P2RX3: variants seen among roughly 807,000 people sequenced by gnomAD.
P2RX3 encodes purinergic receptor P2X 3.
A neutral mutation model predicts 51.5 loss-of-function variants in P2RX3; 41 were observed. The observed-to-expected ratio is 0.80, with a 90% confidence interval of 0.62 to 1.03. P2RX3 has a LOEUF of 1.03. P2RX3 is among the 50% of genes least tolerant of loss of function. The probability of loss-of-function intolerance (pLI) is 0.00; values close to 1 mark genes in which losing one functional copy is unlikely to be tolerated. For missense variants in P2RX3, 459 were observed against 522.1 expected (o/e 0.88, Z 1.18); for synonymous variants, 185 against 191.6 (o/e 0.97, Z 0.29).
chr11:57,351,231 A>G (rs911928430), intron 8 of P2RX3, among the ~76,000 whole-genome samples: 1 of 152,206 alleles, frequency 6.6e-6, no homozygotes, highest in Non-Finnish European at 1.5e-5. Context: ...TGACGTGCTT[A>G]AGTGACTTCC....
chr11:57,360,398 C>T (rs1015387666), intron 8 of P2RX3, among the ~76,000 whole-genome samples: 3 of 152,302 alleles, frequency 2.0e-5, no homozygotes, highest in Admixed American at 2.0e-4. Flanking sequence ...CCTACCTAAA[C>T]TCAATCTTTG....
chr11:57,364,135 G>T (rs1022872522), intron 8 of P2RX3, among the ~76,000 whole-genome samples: 1 of 152,086 alleles, frequency 6.6e-6, no homozygotes, highest in Non-Finnish European at 1.5e-5. Context: ...CGGATGACAG[G>T]CCCAGCCTCT....
chr11:57,367,916 T>C (rs1253590552), intron 8 of P2RX3, 93 bp from the exon 9 acceptor site: 1 of 981,512 alleles, frequency 1.0e-6, no homozygotes, highest in African/African-American at 1.6e-5. Context: ...GGTTGCTCAG[T>C]GAGCCAAGAC....
Position 57,338,699 on chromosome 11 carries a change from G to A in P2RX3, c.119+30G>A, listed in dbSNP as rs60972068. On this transcript the variant is annotated intron_variant, in intron 1 of 11. Coordinates refer to ENST00000263314, the MANE Select transcript of P2RX3 (RefSeq NM_002559.5). ...GTCTGTGGCCTTTCAGGTTCCTGGC[G>A]GGGTGGGCTGCCTGGTATCCCGTCT... The A allele has an allele frequency of 3.4e-3, 5,040 of 1,486,928 alleles. 149 individuals carry two copies. The African/African-American group carries it at 0.06, about 18-fold the overall frequency. 92.1% of individuals were successfully genotyped at this position (1,486,928 alleles called of 1,614,324 possible). A position where few individuals can be genotyped will look rare whatever the true frequency, so the allele number is the denominator to read the frequency against.
At chr11:57,363,371 T>C (rs1222343771) in intron 8 of P2RX3, among the ~76,000 whole-genome samples, 1 of 152,160 alleles carries the variant, frequency 6.6e-6, no homozygotes, top group Non-Finnish European at 1.5e-5. Flanking sequence ...GAAGGTTGAT[T>C]TCTTACCTAT....
rs138933929 is a variant in P2RX3, at chr11:57,369,409, G to T, written c.1051G>T (p.Asp351Tyr). 5 of 1,609,278 alleles carry T rather than the reference G, an allele frequency of 3.1e-6. No homozygotes were observed. Residue 351 changes from aspartate to tyrosine, a missense_variant, in exon 11 of 12, where the codon GAC becomes TAC. By Grantham distance (160) the Asp-to-Tyr change is radical. Coordinates refer to ENST00000263314, the MANE Select transcript of P2RX3 (RefSeq NM_002559.5). ...CCTGCTCAACTTCCTCAAGGGGGCC[G>T]ACCAGTACAAAGCCAAGAAGTTTGA... ...IILLNFLKGA[D>Y]QYKAKKFEEV... is the part of the protein sequence containing the mutation.
At position 57,349,998 on chromosome 11, in the gene P2RX3, G is replaced by A. The variant is rs1856515273; in HGVS notation, c.705+100G>A. 4.6e-6 allele frequency: 7 copies of A among 1,517,324 alleles called. No homozygotes were observed. In the South Asian group the frequency reaches 7.3e-5, roughly 16 times the overall value. 94.0% of individuals were successfully genotyped at this position (1,517,324 alleles called of 1,614,324 possible). ...GCCGGCACTGGCCAGGAGCCGCCGCGAGACAGCGCCACCTGGTGGAAGCAT... is the reference window on the plus strand; with the variant it reads ...GCCGGCACTGGCCAGGAGCCGCCGCAAGACAGCGCCACCTGGTGGAAGCAT... On this transcript the variant is annotated intron_variant, in intron 7 of 11. Transcript: ENST00000263314.
intron 8 of P2RX3, among the ~76,000 whole-genome samples, chr11:57,363,328 A>G (rs1856748435): frequency 6.6e-6 from 1 of 152,196 alleles, no homozygotes; most frequent in South Asian, 2.1e-4. Context: ...AGTTGCTATA[A>G]CAAACAAACC....
Position 57,348,254 on chromosome 11 carries a change from C to T in P2RX3, c.476C>T (p.Thr159Ile). 6.2e-7 allele frequency: 1 copy of T among 1,602,174 alleles called. No homozygotes were observed. Among genetic ancestry groups the T allele is most frequent in the Non-Finnish European group, 8.5e-7 (1 of 1,174,882 alleles). The change falls in exon 5 of 12, where the codon ACA becomes ATA. Residue 159 changes from threonine (T) to isoleucine (I), a missense_variant. Thr to Ile is a moderately conservative substitution (Grantham distance 89, BLOSUM62 -1). Transcript: ENST00000263314. ...IQGWCPTEVD[T>I]VETPIMMEAE... ...GGCTGGTGCCCCACGGAGGTGGACA[C>T]AGTGGAAACGTAAGGCTCCAAGCCA...
chr11:57,338,452 C>A lies in P2RX3; in HGVS notation c.-99C>A, dbSNP rs1590618062. On this transcript the variant is annotated 5_prime_UTR_variant, in exon 1 of 12. Transcript: ENST00000263314. The stretch of plus-strand genomic sequence containing the variant: ...TTCCTCCAACCCCTCTAAGCTGCCC[C>A]CTCCAGGTCGTGATCTCGTCTCCCT... 10 of 713,192 alleles carry A rather than the reference C, an allele frequency of 1.4e-5. No individual in the cohort carries two copies. The East Asian group carries it at 2.3e-4, about 16-fold the overall frequency. The allele number at this position is 713,192 out of a possible 1,614,324, so 44.2% of individuals were successfully genotyped here.
At chr11:57,361,691 T>C (rs543024846) in intron 8 of P2RX3, among the ~76,000 whole-genome samples, 19 of 152,348 alleles carry the variant, frequency 1.2e-4, no homozygotes, top group African/African-American at 4.1e-4. Context: ...CAGTCTATCA[T>C]TGATGGGCAT....
chr11:57,351,174 T>A (rs555901704), intron 8 of P2RX3, among the ~76,000 whole-genome samples: 35 of 152,342 alleles, frequency 2.3e-4, no homozygotes, highest in Non-Finnish European at 5.0e-4. Flanking sequence ...CTTGAAATGC[T>A]AGGGTTCTGC....
At chr11:57,348,081 T>A in intron 4 of P2RX3, 89 bp from the exon 5 acceptor site, 1 of 1,184,608 alleles carries the variant, frequency 8.4e-7, no homozygotes. Flanking sequence ...CTTGCCAGGG[T>A]CCCTGATGGG....
Position 57,338,455 on chromosome 11 carries a change from C to G in P2RX3, c.-96C>G, listed in dbSNP as rs1344723032. 1 of 738,872 alleles carries G rather than the reference C, an allele frequency of 1.4e-6. No individual in the cohort carries two copies. The highest frequency in any genetic ancestry group is 1.7e-5 in the African/African-American group (1 of 59,094). 45.8% of individuals were successfully genotyped at this position (738,872 alleles called of 1,614,324 possible). Reference sequence around the variant, plus strand: ...CTCCAACCCCTCTAAGCTGCCCCCTCCAGGTCGTGATCTCGTCTCCCTGTC... The same window carrying G: ...CTCCAACCCCTCTAAGCTGCCCCCTGCAGGTCGTGATCTCGTCTCCCTGTC... On this transcript the variant is annotated 5_prime_UTR_variant, in exon 1 of 12. Transcript: ENST00000263314.
intron 2 of P2RX3, 98 bp downstream of exon 2, chr11:57,346,777 T>G: frequency 6.8e-7 from 1 of 1,480,154 alleles, no homozygotes; most frequent in South Asian, 1.3e-5. Flanking sequence ...ATTCCCAAAC[T>G]AGAATCCATG....
chr11:57,367,934 T>C, intron 8 of P2RX3, 75 bp from the exon 9 acceptor site: 2 of 1,189,038 alleles, frequency 1.7e-6, no homozygotes, highest in Non-Finnish European at 2.5e-6. Context: ...GACACAGGGC[T>C]CTGGAGGACC....
At chr11:57,350,998 T>G (rs373030713) in intron 8 of P2RX3, 100 bp downstream of exon 8, 2 of 1,529,722 alleles carry the variant, frequency 1.3e-6, no homozygotes, top group Non-Finnish European at 1.8e-6. Flanking sequence ...CACCCACCCC[T>G]GGCCCCAAGT....
At chr11:57,369,550 G>A (rs988580257) in intron 11 of P2RX3, 112 bp downstream of exon 11, 4 of 992,120 alleles carry the variant, frequency 4.0e-6, no homozygotes, top group Non-Finnish European at 3.0e-6. Context: ...GGTTCACCAG[G>A]CCTCAATGAA....
At chr11:57,345,853 A>G (rs533433657) in intron 1 of P2RX3, among the ~76,000 whole-genome samples, 9 of 150,896 alleles carry the variant, frequency 6.0e-5, no homozygotes, top group African/African-American at 2.0e-4. Context: ...ATAAGATCAG[A>G]CTCTTCCCTC....
Sources: gnomAD v4.1 joint callset for allele counts (sites outside exome capture counted in the v4.1 genomes callset) on GRCh38, gnomAD v4.1.1 for gene constraint, MANE v1.5 for transcripts, NCBI Gene and HGNC (gene_info 2026-07-23, HGNC 2026-07-21) for gene names.